Variants in TEX35 observed in about 807,000 individuals in gnomAD.
TEX35 encodes the protein testis expressed 35.
A neutral mutation model predicts 31.9 loss-of-function variants in TEX35; 26 were observed. The ratio of observed to expected loss-of-function variants is 0.81; its 90% confidence interval spans 0.60 to 1.13. The LOEUF (loss-of-function observed/expected upper bound fraction) is 1.13. TEX35 is among the 50% of genes most tolerant of loss of function. The pLI is 0.00. For synonymous variants in TEX35, 87 were observed against 90.7 expected (o/e 0.96, Z 0.23); for missense variants, 278 against 273.5 (o/e 1.02, Z -0.12).
chr1:178,515,811 A>C, intron 3 of TEX35, 48 bp from the exon 4 acceptor site: 1 of 1,478,510 alleles, frequency 6.8e-7, no homozygotes, highest in South Asian at 1.2e-5. Context: ...TTTCCCCTCC[A>C]TCCTAGATAT....
At chr1:178,517,495 C>T (rs1650120947) in intron 5 of TEX35, among the ~76,000 whole-genome samples, 1 of 152,184 alleles carries the variant, frequency 6.6e-6, no homozygotes, top group Admixed American at 6.5e-5. Flanking sequence ...AGTTACTAAC[C>T]TTGGCTGCAC....
At chr1:178,521,373 A>G in intron 8 of TEX35, 109 bp downstream of exon 8, 1 of 1,311,394 alleles carries the variant, frequency 7.6e-7, no homozygotes. Context: ...AGGTTGTGCC[A>G]GGAGTAGGGA....
rs1650319144 is a variant in TEX35, at chr1:178,522,386, A to G, written c.648A>G (p.Gln216=). 6.2e-7 allele frequency: 1 copy of G among 1,606,716 alleles called. No homozygotes were observed. Among genetic ancestry groups the G allele is most frequent in the African/African-American group, 1.3e-5 (1 of 74,954 alleles). ...GTGGAGAGGAGCCAGTGACCACCCA[A>G]CCTTCTGTGGGCCACGCTGTGCCTG... ...YKGGEEPVTT[Q]PSVGHAVPAP... Residue 216 remains glutamine (Q), a synonymous_variant, in exon 9 of 9, where the codon CAA becomes CAG. Coordinates refer to ENST00000319416, the MANE Select transcript of TEX35 (RefSeq NM_032126.5).
At chr1:178,520,541 T>C (rs540498238) in intron 6 of TEX35, 105 bp downstream of exon 6, 18 of 1,604,422 alleles carry the variant, frequency 1.1e-5, no homozygotes, top group Middle Eastern at 1.7e-4. Context: ...CTTGGAGGAG[T>C]TGTCTTTGCT....
At position 178,520,890 on chromosome 1, in the gene TEX35, C is replaced by A. The variant is rs1433917984; in HGVS notation, c.543+16C>A. Reference sequence around the variant, plus strand: ...GACCTGCTGCGTAAGTGAAACCCTGCCCGAGCCCAGCACTGGTGCCAGACC... The same window carrying A: ...GACCTGCTGCGTAAGTGAAACCCTGACCGAGCCCAGCACTGGTGCCAGACC... On this transcript the variant is annotated intron_variant, in intron 7 of 8. Transcript: ENST00000319416. 6.2e-7 allele frequency: 1 copy of A among 1,613,500 alleles called. No homozygotes were observed.
downstream of TEX35, chr1:178,523,162 T>TTG: frequency 1.1e-5 from 6 of 569,628 alleles, no homozygotes; most frequent in South Asian, 2.0e-5. Context: ...TAGAACTCAA[T>TTG]TGTGTGTGTG....
Position 178,521,250 on chromosome 1 carries a change from A to G in TEX35, c.572A>G (p.Asn191Ser). The change falls in exon 8 of 9, where the codon AAC (asparagine) becomes AGC (serine). Residue 191 changes from asparagine (N) to serine (S), a missense_variant. By Grantham distance (46) the Asn-to-Ser change is conservative. Coordinates refer to ENST00000319416, the MANE Select transcript of TEX35 (RefSeq NM_032126.5). ...AAATGTTTGTTGTGTGCTCTAAAGA[A>G]CAACTACAATCGGGGTAGGTAGATT... Reference protein sequence around the residue: ...CEKCLLCALKNNYNRGNIPSE... With the variant: ...CEKCLLCALKSNYNRGNIPSE... 6.2e-7 allele frequency: 1 copy of G among 1,614,248 alleles called. No homozygotes were observed. Among genetic ancestry groups the G allele is most frequent in the South Asian group, 1.1e-5 (1 of 91,084 alleles).
At position 178,520,368 on chromosome 1, in the gene TEX35, G is replaced by C. The variant is rs765330762; in HGVS notation, c.277-4G>C. The stretch of plus-strand genomic sequence containing the variant: ...AGATGCTAGTTCTGAATTCTCTCTC[G>C]AAGGAAATGCAGAAAGATATGGATG... On this transcript the variant is annotated splice_polypyrimidine_tract_variant and splice_region_variant and intron_variant, in intron 5 of 8. Transcript: ENST00000319416. The C allele has an allele frequency of 1.2e-6, 2 of 1,613,220 alleles. No individual in the cohort carries two copies. Among genetic ancestry groups the C allele is most frequent in the Non-Finnish European group, 1.7e-6 (2 of 1,179,722 alleles).
At chr1:178,516,485 T>C in intron 4 of TEX35, 130 bp from the exon 5 acceptor site, 2 of 727,892 alleles carry the variant, frequency 2.7e-6, no homozygotes, top group Non-Finnish European at 2.3e-6. Context: ...AAAGTGGCTC[T>C]AACAGGCCAT....
chr1:178,513,894 G>A, intron 1 of TEX35, 133 bp from the exon 2 acceptor site: 1 of 1,024,460 alleles, frequency 9.8e-7, no homozygotes, highest in Middle Eastern at 2.8e-4. Flanking sequence ...GTGAGCCTGA[G>A]CTCAAGCCAG....
chr1:178,516,712 A>G (rs1374025155), intron 5 of TEX35, 38 bp downstream of exon 5: 2 of 1,478,874 alleles, frequency 1.4e-6, no homozygotes, highest in Admixed American at 1.8e-5. Flanking sequence ...GGCCAGTACC[A>G]TACTGGAAAC....
intron 5 of TEX35, among the ~76,000 whole-genome samples, chr1:178,518,801 G>A (rs1650169399): frequency 6.6e-6 from 1 of 152,156 alleles, no homozygotes; most frequent in Non-Finnish European, 1.5e-5. Context: ...TTGTTGGTGG[G>A]GAGGCTGGGT....
downstream of TEX35, among the ~76,000 whole-genome samples, chr1:178,522,932 C>T (rs1650337755): frequency 1.3e-5 from 2 of 152,218 alleles, no homozygotes; most frequent in African/African-American, 2.4e-5. Flanking sequence ...TTAACCATCC[C>T]TACCGGCCCC....
intron 4 of TEX35, 61 bp from the exon 5 acceptor site, chr1:178,516,554 C>A: frequency 6.8e-7 from 1 of 1,469,606 alleles, no homozygotes; most frequent in South Asian, 1.2e-5. Context: ...TGAAAGATGC[C>A]ACAACTAACC....
chr1:178,516,624 C>G lies in TEX35; in HGVS notation c.226C>G (p.Leu76Val). Reference sequence around the variant, plus strand: ...CTTTCTTCCTTGTTAGATAAAGGATCTAATGGACAAGGATTTTGATAAACT... The same window carrying G: ...CTTTCTTCCTTGTTAGATAAAGGATGTAATGGACAAGGATTTTGATAAACT... ...KMEEIKQIKD[L>V]MDKDFDKLHE... is the part of the protein sequence containing the mutation. Residue 76 changes from leucine (L) to valine (V), a missense_variant, in exon 5 of 9, where the codon CTA (leucine) becomes GTA (valine). Leu to Val is a conservative substitution (Grantham distance 32). Transcript: ENST00000319416. The G allele has an allele frequency of 6.2e-7, 1 of 1,613,286 alleles. No individual in the cohort carries two copies.
rs1353255949 is a variant in TEX35 at position 178,520,821 on chromosome 1, C to A, written c.490C>A (p.Gln164Lys). The change falls in exon 7 of 9, where the codon CAA (glutamine) becomes AAA (lysine). Residue 164 changes from glutamine (Q) to lysine (K), a missense_variant. By Grantham distance (53) the Gln-to-Lys change is moderately conservative. Coordinates refer to ENST00000319416, the MANE Select transcript of TEX35 (RefSeq NM_032126.5). ...TCTTCACAAGAAGACGATGGCACCA[C>A]AAAAAACAAAACAGGGCTCACTGGA... ...CALHKKTMAP[Q>K]KTKQGSLDPL... 6.2e-7 allele frequency: 1 copy of A among 1,614,138 alleles called. No individual in the cohort carries two copies. Among genetic ancestry groups the A allele is most frequent in the Admixed American group, 1.7e-5 (1 of 60,016 alleles).
intron 4 of TEX35, 82 bp from the exon 5 acceptor site, chr1:178,516,533 C>T (rs1488855657): frequency 1.6e-6 from 2 of 1,278,072 alleles, no homozygotes; most frequent in African/African-American, 3.0e-5. Flanking sequence ...CTGCCCTTTG[C>T]TTAAAATGCC....
Position 178,520,843 on chromosome 1 carries a change from T to G in TEX35, c.512T>G (p.Leu171Arg), listed in dbSNP as rs3813636. The G allele has an allele frequency of 0.41, 664,336 of 1,613,810 alleles. 138,176 individuals carry two copies. Among genetic ancestry groups the G allele is most frequent in the Middle Eastern group, 0.48 (2,880 of 6,040 alleles). Reference protein sequence around the residue: ...MAPQKTKQGSLDPLHHCGTCC... With the variant: ...MAPQKTKQGSRDPLHHCGTCC... ...CCACAAAAAACAAAACAGGGCTCAC[T>G]GGATCCCCTTCATCACTGTGGGACC... The change falls in exon 7 of 9, where the codon CTG becomes CGG. Residue 171 changes from leucine to arginine, a missense_variant. Physicochemically the swap from Leu to Arg is moderately radical, Grantham distance 102 (BLOSUM62 -2). Transcript: ENST00000319416.
chr1:178,521,790 A>G (rs937419888), intron 8 of TEX35: 1 of 1,548,984 alleles, frequency 6.5e-7, no homozygotes, highest in African/African-American at 1.4e-5. Context: ...ACTGGAGATT[A>G]AAAACCTTCA....
Sources: allele counts gnomAD v4.1 joint callset (sites outside exome capture counted in the v4.1 genomes callset), GRCh38; gene constraint gnomAD v4.1.1; transcripts MANE v1.5; gene names NCBI Gene and HGNC (gene_info 2026-07-23, HGNC 2026-07-21).